Variants in UNC13C observed in about 807,000 individuals in gnomAD.
UNC13C encodes the protein protein unc-13 homolog C.
UNC13C carries 174 observed loss-of-function variants against 245.4 expected under a neutral mutation model. That is an observed-to-expected ratio of 0.71 (90% CI 0.63 to 0.80). UNC13C has a LOEUF of 0.80. Ranked by LOEUF, UNC13C falls within the 30% of genes least tolerant of loss-of-function variation. UNC13C has a pLI of 0.00. For missense variants in UNC13C, 2,829 were observed against 2,602.9 expected (o/e 1.09, Z -1.89); for synonymous variants, 992 against 895.1 (o/e 1.11, Z -1.93).
intron 11 of UNC13C, among the ~76,000 whole-genome samples, chr15:54,295,860 C>T (rs2037415952): frequency 6.6e-6 from 1 of 152,050 alleles, no homozygotes; most frequent in South Asian, 2.1e-4. Context: ...TAGTTTTTTG[C>T]CCTCATTGCT....
At chr15:54,624,505 C>T (rs1236403333) in intron 32 of UNC13C, among the ~76,000 whole-genome samples, 2 of 152,130 alleles carry the variant, frequency 1.3e-5, no homozygotes, top group Non-Finnish European at 2.9e-5. Context: ...GGCCAAGGTA[C>T]AGATAGTGTG....
At chr15:53,972,011 CTATG>C in the UNC13C span, among the ~76,000 whole-genome samples, 1 of 152,290 alleles carries the variant, frequency 6.6e-6, no homozygotes, top group African/African-American at 2.4e-5. Context: ...TTTTAAATGA[CTATG>C]GGTTCATTGT....
chr15:53,973,956 C>T (rs115774070), upstream of UNC13C, among the ~76,000 whole-genome samples: 352 of 152,192 alleles, frequency 2.3e-3, no homozygotes, highest in African/African-American at 8.1e-3. Context: ...TACTTGTCTG[C>T]TTTACAGGGG....
chr15:54,163,414 G>T (rs745942986), intron 4 of UNC13C, among the ~76,000 whole-genome samples: 8 of 152,064 alleles, frequency 5.3e-5, no homozygotes, highest in Non-Finnish European at 1.0e-4. Flanking sequence ...AACTTCTTTT[G>T]TTATAAGCCA....
intron 2 of UNC13C, among the ~76,000 whole-genome samples, chr15:54,083,470 G>T (rs1899065390): frequency 6.6e-6 from 1 of 152,160 alleles, no homozygotes; most frequent in Non-Finnish European, 1.5e-5. Context: ...AGCAGCACAG[G>T]CTCACTTTCT....
chr15:54,201,571 T>C (rs2034523935), intron 4 of UNC13C, among the ~76,000 whole-genome samples: 1 of 151,996 alleles, frequency 6.6e-6, no homozygotes, highest in Non-Finnish European at 1.5e-5. Flanking sequence ...AGTCACATGA[T>C]TATCTCAATA....
chr15:53,847,253 A>G, the UNC13C span, among the ~76,000 whole-genome samples: 1 of 152,144 alleles, frequency 6.6e-6, no homozygotes, highest in Non-Finnish European at 1.5e-5. Context: ...AACTTTCACT[A>G]CTTACCAATT....
chr15:53,922,688 C>G, the UNC13C span, among the ~76,000 whole-genome samples: 1 of 152,156 alleles, frequency 6.6e-6, no homozygotes, highest in Non-Finnish European at 1.5e-5. Context: ...GAGGACGTCG[C>G]TAACCATAAA....
At chr15:54,173,959 T>A (rs770518545) in intron 4 of UNC13C, among the ~76,000 whole-genome samples, 66 of 152,162 alleles carry the variant, frequency 4.3e-4, no homozygotes, top group Admixed American at 1.3e-3. Context: ...GATTATCAGG[T>A]GGGTTTCCCC....
chr15:54,100,903 A>G (rs1900129198), intron 2 of UNC13C, among the ~76,000 whole-genome samples: 1 of 152,062 alleles, frequency 6.6e-6, no homozygotes, highest in Admixed American at 6.5e-5. Flanking sequence ...AGCAGAAGGA[A>G]TGAATTACAA....
At chr15:54,567,187 A>T (rs1467848575) in intron 29 of UNC13C, among the ~76,000 whole-genome samples, 1 of 150,258 alleles carries the variant, frequency 6.7e-6, no homozygotes, top group African/African-American at 2.4e-5. Context: ...AATATTGGAA[A>T]ATTTTGAGTT....
the UNC13C span, among the ~76,000 whole-genome samples, chr15:53,842,786 A>G: frequency 2.6e-5 from 4 of 152,054 alleles, no homozygotes; most frequent in Admixed American, 2.0e-4. Context: ...TCCTCAAACT[A>G]TAGTAGCTGA....
intron 19 of UNC13C, among the ~76,000 whole-genome samples, chr15:54,454,544 CT>C (rs1279895132): frequency 6.8e-6 from 1 of 147,114 alleles, no homozygotes; most frequent in East Asian, 2.0e-4. Context: ...CACCATTATA[CT>C]CCAGCCCAGG....
chr15:54,569,554 G>A (rs888020551), intron 30 of UNC13C, among the ~76,000 whole-genome samples: 10 of 152,008 alleles, frequency 6.6e-5, no homozygotes, highest in South Asian at 2.1e-4. Context: ...ATCAAGGGCC[G>A]ACTGTGTGTG....
At chr15:54,039,761 T>C (rs1457822408) in intron 2 of UNC13C, among the ~76,000 whole-genome samples, 1 of 152,248 alleles carries the variant, frequency 6.6e-6, no homozygotes, top group East Asian at 1.9e-4. Context: ...TGTAACTGTT[T>C]CCTTGACTGC....
At chr15:53,939,758 G>A in the UNC13C span, among the ~76,000 whole-genome samples, 1 of 152,064 alleles carries the variant, frequency 6.6e-6, no homozygotes, top group Non-Finnish European at 1.5e-5. Flanking sequence ...CTCAATAGAT[G>A]CAGAAAAGGC....
intron 24 of UNC13C, among the ~76,000 whole-genome samples, chr15:54,516,910 C>T (rs1319824061): frequency 6.6e-6 from 1 of 151,866 alleles, no homozygotes; most frequent in Non-Finnish European, 1.5e-5. Flanking sequence ...CTTAAGAACA[C>T]CTGAGATTCA....
the UNC13C span, among the ~76,000 whole-genome samples, chr15:53,970,590 A>G: frequency 0.071 from 10,859 of 152,116 alleles, 811 homozygotes; most frequent in African/African-American, 0.19. Context: ...CAGAAAACCA[A>G]ATACCACATG....
intron 13 of UNC13C, among the ~76,000 whole-genome samples, chr15:54,305,649 G>A (rs543328381): frequency 2.0e-5 from 3 of 151,844 alleles, no homozygotes; most frequent in East Asian, 1.9e-4. Context: ...ACCAACCAAC[G>A]AAAGAACAAC....
Sources: allele counts gnomAD v4.1 joint callset (sites outside exome capture counted in the v4.1 genomes callset), GRCh38; gene constraint gnomAD v4.1.1; transcripts MANE v1.5; gene names NCBI Gene and HGNC (gene_info 2026-07-23, HGNC 2026-07-21).